NBAS: variants seen among roughly 807,000 people sequenced by gnomAD.
NBAS encodes the protein NAG/BC035112 fusion.
Under a neutral mutation model 302.5 loss-of-function variants are expected in NBAS, and 219 were observed. That is an observed-to-expected ratio of 0.72 (90% CI 0.65 to 0.81). The LOEUF (loss-of-function observed/expected upper bound fraction) is 0.81. NBAS is among the 30% of genes least tolerant of loss of function. The pLI is 0.00. For synonymous variants in NBAS, 1,118 were observed against 1,021.6 expected, an observed-to-expected ratio of 1.09 and a Z score of -1.80; for missense variants, 2,932 against 2,841.6, an observed-to-expected ratio of 1.03 and a Z score of -0.72.
the NBAS span, among the ~76,000 whole-genome samples, chr2:15,113,109 T>G: frequency 3.3e-5 from 5 of 152,164 alleles, no homozygotes; most frequent in Non-Finnish European, 7.4e-5. Context: ...TTGGCATTGC[T>G]ACTTTAAGAA....
intron 48 of NBAS, among the ~76,000 whole-genome samples, chr2:15,213,390 G>A (rs890948581): frequency 9.9e-5 from 15 of 152,176 alleles, no homozygotes; most frequent in African/African-American, 1.9e-4. Flanking sequence ...GTATCGAGAC[G>A]TGACAAATGT....
the NBAS span, among the ~76,000 whole-genome samples, chr2:14,884,901 A>G: frequency 6.6e-6 from 1 of 152,184 alleles, no homozygotes; most frequent in Non-Finnish European, 1.5e-5. Context: ...GAGAGTTCAG[A>G]CAGATGAATC....
At chr2:15,506,031 A>G (rs1304649032) in intron 10 of NBAS, among the ~76,000 whole-genome samples, 1 of 152,044 alleles carries the variant, frequency 6.6e-6, no homozygotes, top group Non-Finnish European at 1.5e-5. Flanking sequence ...GGGGCTTTAA[A>G]GGAAGACATG....
intron 40 of NBAS, among the ~76,000 whole-genome samples, chr2:15,298,083 G>A (rs1405318958): frequency 6.6e-6 from 1 of 152,134 alleles, no homozygotes; most frequent in Admixed American, 6.5e-5. Flanking sequence ...GCTTGTGCCT[G>A]TATGTAATCC....
the NBAS span, among the ~76,000 whole-genome samples, chr2:14,989,101 A>T: frequency 6.6e-6 from 1 of 152,230 alleles, no homozygotes; most frequent in East Asian, 1.9e-4. Context: ...CATTGTAAAT[A>T]CCACCAAATA....
chr2:14,965,066 C>A, the NBAS span, among the ~76,000 whole-genome samples: 1 of 151,744 alleles, frequency 6.6e-6, no homozygotes, highest in Non-Finnish European at 1.5e-5. Context: ...ATACTAGATA[C>A]CTGCATTAGA....
chr2:15,474,875 A>G (rs907958677), intron 14 of NBAS, among the ~76,000 whole-genome samples: 2 of 152,298 alleles, frequency 1.3e-5, no homozygotes, highest in Admixed American at 6.5e-5. Context: ...GCCTGTTTTA[A>G]TAACAGGTCA....
chr2:15,178,165 A>G (rs1395565570), intron 51 of NBAS: 2 of 470,198 alleles, frequency 4.3e-6, no homozygotes, highest in East Asian at 1.4e-4. Flanking sequence ...ATCCTGCCAC[A>G]TTTTTGTTTA....
intron 43 of NBAS, 141 bp from the exon 44 acceptor site, chr2:15,275,959 T>C: frequency 1.3e-6 from 1 of 749,716 alleles, no homozygotes; most frequent in Non-Finnish European, 2.2e-6. Flanking sequence ...GTTTATATTT[T>C]CTATTAGAAA....
chr2:15,001,281 T>C, the NBAS span, among the ~76,000 whole-genome samples: 1 of 152,192 alleles, frequency 6.6e-6, no homozygotes, highest in African/African-American at 2.4e-5. Context: ...TATATATATA[T>C]GTATGTTATA....
At chr2:14,932,259 G>C in the NBAS span, among the ~76,000 whole-genome samples, 1 of 152,190 alleles carries the variant, frequency 6.6e-6, no homozygotes, top group Non-Finnish European at 1.5e-5. Flanking sequence ...CTATGCTGCT[G>C]TGCTCCTAAG....
chr2:15,084,898 TG>T, the NBAS span, among the ~76,000 whole-genome samples: 1 of 152,190 alleles, frequency 6.6e-6, no homozygotes, highest in Admixed American at 6.5e-5. Flanking sequence ...TTGGTTACCG[TG>T]ATAGTTAATT....
At chr2:15,556,849 T>C (rs370950772) in intron 2 of NBAS, 30 bp from the exon 3 acceptor site, 2 of 1,550,446 alleles carry the variant, frequency 1.3e-6, no homozygotes, top group African/African-American at 2.7e-5. Flanking sequence ...CAAAGCCAAA[T>C]ATAAATCAGC....
downstream of NBAS, among the ~76,000 whole-genome samples, chr2:15,162,798 G>A (rs1663927789): frequency 1.3e-5 from 2 of 152,166 alleles, no homozygotes; most frequent in African/African-American, 4.8e-5. Flanking sequence ...GCCATCTTCA[G>A]TTTATAATGA....
the NBAS span, among the ~76,000 whole-genome samples, chr2:15,031,164 T>C: frequency 1.4e-3 from 210 of 152,324 alleles, no homozygotes; most frequent in Non-Finnish European, 2.6e-3. Context: ...AAGCATCTCA[T>C]GGTCATGAAG....
Position 15,376,601 on chromosome 2 carries a change from G to A in NBAS, c.3591-1881C>T, listed in dbSNP as rs193010826. Among the ~76,000 whole-genome samples, 7 of 152,214 alleles carry A rather than the reference G, an allele frequency of 4.6e-5. No homozygotes were observed. In the East Asian group the frequency reaches 1.3e-3, roughly 29 times the overall value. On this transcript the variant is annotated intron_variant, in intron 30 of 51. Transcript: ENST00000281513. ...TCTGAGATAAGATATCACCTGTGTG[G>A]GGGGAATGGGGGGACTTGGTGCAGG... is the stretch of plus-strand genomic sequence containing the variant.
the NBAS span, among the ~76,000 whole-genome samples, chr2:15,081,708 C>T: frequency 6.6e-6 from 1 of 152,292 alleles, no homozygotes; most frequent in Admixed American, 6.5e-5. Flanking sequence ...AGGGGTCTCT[C>T]CCTCTTAAAC....
chr2:15,177,061 G>T (rs1016171721), intron 51 of NBAS, among the ~76,000 whole-genome samples: 2 of 152,090 alleles, frequency 1.3e-5, no homozygotes, highest in South Asian at 2.1e-4. Flanking sequence ...TCTCATTACC[G>T]AATTTCTAAA....
the NBAS span, among the ~76,000 whole-genome samples, chr2:14,838,094 T>C: frequency 3.9e-5 from 6 of 152,060 alleles, no homozygotes; most frequent in East Asian, 1.9e-4. Flanking sequence ...TTGAGTTTCA[T>C]TGAGTTTTTG....
Sources: allele counts gnomAD v4.1 joint callset (sites outside exome capture counted in the v4.1 genomes callset), GRCh38; gene constraint gnomAD v4.1.1; transcripts MANE v1.5; gene names NCBI Gene and HGNC (gene_info 2026-07-23, HGNC 2026-07-21).